CNTN4: variants seen among roughly 807,000 people sequenced by gnomAD.
CNTN4 encodes the protein contactin-4.
In CNTN4, 77 loss-of-function variants were observed where a neutral mutation model predicts 122.5. The observed-to-expected ratio is 0.63, with a 90% CI of 0.52 to 0.76. The LOEUF is 0.76. Ranked by LOEUF, CNTN4 falls within the 30% of genes least tolerant of loss-of-function variation. CNTN4 has a pLI of 0.00. For missense variants in CNTN4, 1,256 were observed against 1,259.1 expected, an observed-to-expected ratio of 1.00 and a Z score of 0.04; for synonymous variants, 512 against 447.0, an observed-to-expected ratio of 1.15 and a Z score of -1.83.
At chr3:2,977,439 G>T (rs1407209632) in intron 13 of CNTN4, among the ~76,000 whole-genome samples, 1 of 151,860 alleles carries the variant, frequency 6.6e-6, no homozygotes, top group Non-Finnish European at 1.5e-5. Context: ...TTTTCCTACT[G>T]GACTTTTATT....
chr3:2,583,980 T>TCATG, intron 4 of CNTN4, among the ~76,000 whole-genome samples: 1 of 152,276 alleles, frequency 6.6e-6, no homozygotes, highest in Non-Finnish European at 1.5e-5. Flanking sequence ...GTGGATAAGA[T>TCATG]CATGGTCCTG....
At chr3:2,915,849 A>G (rs1260386246) in intron 12 of CNTN4, among the ~76,000 whole-genome samples, 4 of 152,250 alleles carry the variant, frequency 2.6e-5, no homozygotes, top group African/African-American at 9.6e-5. Flanking sequence ...TTAAGTACAT[A>G]CAATGGACTA....
chr3:2,107,745 A>G (rs2032574522), intron 2 of CNTN4, among the ~76,000 whole-genome samples: 1 of 152,122 alleles, frequency 6.6e-6, no homozygotes, highest in Non-Finnish European at 1.5e-5. Flanking sequence ...CCAAGCAAAA[A>G]AGAGGAAAGA....
intron 14 of CNTN4, among the ~76,000 whole-genome samples, chr3:3,009,402 A>G (rs1292375716): frequency 1.3e-5 from 2 of 152,106 alleles, no homozygotes; most frequent in African/African-American, 4.8e-5. Flanking sequence ...TGTCAATTCA[A>G]TATCTAATAT....
intron 3 of CNTN4, among the ~76,000 whole-genome samples, chr3:2,384,792 A>G (rs1297683090): frequency 2.0e-5 from 3 of 147,638 alleles, no homozygotes; most frequent in African/African-American, 7.6e-5. Flanking sequence ...GTGTGTGTTC[A>G]TGTTACCTCT....
At chr3:2,710,054 T>C (rs2087032815) in intron 4 of CNTN4, among the ~76,000 whole-genome samples, 1 of 152,192 alleles carries the variant, frequency 6.6e-6, no homozygotes, top group Non-Finnish European at 1.5e-5. Context: ...GATTAAAAAG[T>C]AAATTATTAG....
At chr3:2,760,596 G>A (rs547450462) in intron 6 of CNTN4, among the ~76,000 whole-genome samples, 1 of 152,262 alleles carries the variant, frequency 6.6e-6, no homozygotes, top group African/African-American at 2.4e-5. Context: ...TAGCTTTGCA[G>A]TAAGTTTTGA....
At chr3:2,190,916 A>G (rs1006868347) in intron 2 of CNTN4, among the ~76,000 whole-genome samples, 4 of 151,908 alleles carry the variant, frequency 2.6e-5, no homozygotes, top group African/African-American at 7.3e-5. Context: ...GTTCACATAT[A>G]TTCAGATATT....
At position 2,743,906 on chromosome 3, in the gene CNTN4, G is replaced by T. The variant is rs114594067; in HGVS notation, c.183-1616G>T. Among the ~76,000 whole-genome samples, 820 of 152,222 alleles carry T rather than the reference G, an allele frequency of 5.4e-3. 5 individuals carry two copies. The highest frequency in any genetic ancestry group is 0.019 in the African/African-American group (798 of 41,542). ...GCTCGCTGCAGCCTCAATCTCCCAG[G>T]TTCAAGTGGTCCTCCCACCTCAGCC... On this transcript the variant is annotated intron_variant, in intron 5 of 24. Transcript: ENST00000418658.
chr3:3,044,549 G>T (rs776843306), intron 23 of CNTN4, among the ~76,000 whole-genome samples: 3 of 152,216 alleles, frequency 2.0e-5, no homozygotes, highest in Non-Finnish European at 4.4e-5. Flanking sequence ...AGAGTAGTCG[G>T]ATTTCTTACA....
chr3:2,205,254 T>A (rs2038285794), intron 2 of CNTN4, among the ~76,000 whole-genome samples: 1 of 150,406 alleles, frequency 6.6e-6, no homozygotes, highest in African/African-American at 2.4e-5. Flanking sequence ...TTTCTAAATA[T>A]CAATATTATT....
intron 22 of CNTN4, 84 bp downstream of exon 22, chr3:3,043,247 C>A: frequency 2.4e-6 from 3 of 1,273,748 alleles, no homozygotes; most frequent in African/African-American, 1.5e-5. Flanking sequence ...TCCCAATGAT[C>A]ATTTGCATAC....
intron 3 of CNTN4, among the ~76,000 whole-genome samples, chr3:2,431,747 A>C (rs2048081261): frequency 6.6e-6 from 1 of 152,222 alleles, no homozygotes; most frequent in Non-Finnish European, 1.5e-5. Context: ...ATTATTATGT[A>C]GGAAAAGTAC....
At chr3:2,589,084 A>G (rs745567573) in intron 4 of CNTN4, among the ~76,000 whole-genome samples, 1 of 152,180 alleles carries the variant, frequency 6.6e-6, no homozygotes, top group African/African-American at 2.4e-5. Flanking sequence ...CTCCCCATCC[A>G]TAATAGCATG....
intron 2 of CNTN4, among the ~76,000 whole-genome samples, chr3:2,102,669 T>A (rs1284836308): frequency 1.3e-5 from 2 of 152,132 alleles, no homozygotes; most frequent in African/African-American, 4.8e-5. Flanking sequence ...GAGGAAGACT[T>A]GGGAGGATGT....
intron 2 of CNTN4, among the ~76,000 whole-genome samples, chr3:2,181,258 C>G (rs745698961): frequency 6.6e-6 from 1 of 151,966 alleles, no homozygotes; most frequent in Non-Finnish European, 1.5e-5. Flanking sequence ...CAAATGTGAT[C>G]ACCCCGAGGG....
At chr3:2,496,796 C>T (rs553998817) in intron 3 of CNTN4, among the ~76,000 whole-genome samples, 2 of 152,200 alleles carry the variant, frequency 1.3e-5, no homozygotes, top group South Asian at 4.2e-4. Flanking sequence ...TTAAGGCTCT[C>T]CAGAGAAACA....
At chr3:2,133,633 T>A (rs1239913755) in intron 2 of CNTN4, among the ~76,000 whole-genome samples, 14 of 152,208 alleles carry the variant, frequency 9.2e-5, no homozygotes, top group Admixed American at 9.2e-4. Flanking sequence ...AGTAACATTA[T>A]CCTTAATATT....
Position 2,844,123 on chromosome 3 carries a change from G to A in CNTN4, c.455-22629G>A, listed in dbSNP as rs1380423590. Among the ~76,000 whole-genome samples, 83 of 152,150 alleles carry A rather than the reference G, an allele frequency of 5.5e-4. 3 individuals are homozygous for A. The highest frequency in any genetic ancestry group is 5.4e-3 in the Admixed American group (83 of 15,262). ...TGAGTGTTGCTCCCATGCCTTGAAT[G>A]TGAGTCCCCCAGATACCTCGTGGCT... On this transcript the variant is annotated intron_variant, in intron 7 of 24. Coordinates refer to ENST00000418658, the MANE Select transcript of CNTN4 (RefSeq NM_175607.3).
Sources: allele counts gnomAD v4.1 joint callset (sites outside exome capture counted in the v4.1 genomes callset), GRCh38; gene constraint gnomAD v4.1.1; transcripts MANE v1.5; gene names NCBI Gene and HGNC (gene_info 2026-07-23, HGNC 2026-07-21).